The following MEIS2 variants were observed in gnomAD, a reference collection of about 807,000 sequenced individuals.
The protein encoded by MEIS2 is homeobox protein Meis2.
Under a neutral mutation model 58.6 loss-of-function variants are expected in MEIS2, and 9 were observed. The observed-to-expected ratio is 0.15, with a 90% confidence interval of 0.09 to 0.27. MEIS2 has a LOEUF of 0.27. MEIS2 is among the 10% of genes least tolerant of loss of function. The pLI, the probability that MEIS2 is intolerant of heterozygous loss-of-function variation, is 1.00. For missense variants in MEIS2, 427 were observed against 635.0 expected, an observed-to-expected ratio of 0.67 and a Z score of 3.52; for synonymous variants, 221 against 228.4, an observed-to-expected ratio of 0.97 and a Z score of 0.29.
chr15:36,969,580 A>G (rs1853321015), intron 8 of MEIS2, among the ~76,000 whole-genome samples: 1 of 152,242 alleles, frequency 6.6e-6, no homozygotes, highest in Admixed American at 6.5e-5. Context: ...TGAAATAAAT[A>G]ATATTTACAG....
At chr15:37,057,562 G>A (rs1372158893) in intron 7 of MEIS2, among the ~76,000 whole-genome samples, 1 of 152,096 alleles carries the variant, frequency 6.6e-6, no homozygotes, top group East Asian at 1.9e-4. Context: ...GCAACTCCCT[G>A]AGCAGTAAAG....
chr15:36,918,896 A>G (rs1280998094), intron 9 of MEIS2, among the ~76,000 whole-genome samples: 1 of 152,252 alleles, frequency 6.6e-6, no homozygotes, highest in Non-Finnish European at 1.5e-5. Context: ...TCTCAGCTAC[A>G]TGACCTCTCT....
intron 9 of MEIS2, among the ~76,000 whole-genome samples, chr15:36,908,504 T>A (rs926418973): frequency 3.9e-5 from 6 of 152,228 alleles, no homozygotes; most frequent in African/African-American, 1.4e-4. Flanking sequence ...GCAAACACAC[T>A]GTACGGCAAT....
At chr15:37,046,163 G>A (rs1313464924) in intron 7 of MEIS2, among the ~76,000 whole-genome samples, 15 of 152,200 alleles carry the variant, frequency 9.9e-5, no homozygotes, top group South Asian at 2.1e-4. Context: ...TGAAGAGACC[G>A]AAAGCACTTC....
chr15:36,917,221 G>A (rs1862828275), intron 9 of MEIS2, among the ~76,000 whole-genome samples: 1 of 152,142 alleles, frequency 6.6e-6, no homozygotes, highest in South Asian at 2.1e-4. Flanking sequence ...TATTAGAGCA[G>A]ACACATAAAA....
intron 8 of MEIS2, among the ~76,000 whole-genome samples, chr15:37,005,491 G>C (rs1441692105): frequency 6.6e-6 from 1 of 152,120 alleles, no homozygotes; most frequent in Non-Finnish European, 1.5e-5. Flanking sequence ...TACCATTCCT[G>C]CTGACGCACC....
chr15:37,092,603 CCA>C (rs1309298933), intron 6 of MEIS2, among the ~76,000 whole-genome samples: 1 of 151,168 alleles, frequency 6.6e-6, no homozygotes, highest in Non-Finnish European at 1.5e-5. Flanking sequence ...CTGTTCACAC[CCA>C]CTCTTTAACC....
chr15:36,919,061 T>C (rs1475917821), intron 9 of MEIS2, among the ~76,000 whole-genome samples: 2 of 151,786 alleles, frequency 1.3e-5, no homozygotes, highest in Non-Finnish European at 2.9e-5. Flanking sequence ...GGAGTTTGAG[T>C]CCCAGCTACT....
chr15:36,913,226 A>G (rs1272562612), intron 9 of MEIS2, among the ~76,000 whole-genome samples: 3 of 152,192 alleles, frequency 2.0e-5, no homozygotes, highest in Non-Finnish European at 4.4e-5. Flanking sequence ...ATGCTCAATA[A>G]ATGTTAGCTA....
In MEIS2 at chr15:36,899,317, A is replaced by G. The variant is rs575395908; in HGVS notation, c.978-2631T>C. Reference sequence around the variant, plus strand: ...GATATTACTATGAAAATTAACAATTAATGAGCTGACTGTAAGAAAACCCTG... The same window carrying G: ...GATATTACTATGAAAATTAACAATTGATGAGCTGACTGTAAGAAAACCCTG... On this transcript the variant is annotated intron_variant, in intron 9 of 11. Coordinates refer to ENST00000561208, the MANE Select transcript of MEIS2 (RefSeq NM_170675.5). Among the ~76,000 whole-genome samples the G allele has an allele frequency of 7.2e-5, 11 of 152,326 alleles. No individual in the cohort carries two copies. In the East Asian group the frequency reaches 1.9e-3, roughly 27 times the overall value.
chr15:36,892,080 G>A lies in MEIS2; in HGVS notation c.*93C>T, dbSNP rs1357308447. 7.5e-6 allele frequency: 10 copies of A among 1,334,878 alleles called. No individual in the cohort carries two copies. Among genetic ancestry groups the A allele is most frequent in the Non-Finnish European group, 1.1e-5 (10 of 948,156 alleles). The allele number at this position is 1,334,878 out of a possible 1,614,324, so 82.7% of individuals were successfully genotyped here. On this transcript the variant is annotated 3_prime_UTR_variant, in exon 12 of 12. Transcript: ENST00000561208. ...AGTAAAAAATAATCACAGCTGTCTG[G>A]AATTTCATATTAAGTGTCAACATCT...
chr15:36,973,625 C>T (rs1486069824), intron 8 of MEIS2, among the ~76,000 whole-genome samples: 1 of 152,094 alleles, frequency 6.6e-6, no homozygotes, highest in Non-Finnish European at 1.5e-5. Context: ...TGGTAAAATA[C>T]AAGTTGTAAT....
intron 9 of MEIS2, among the ~76,000 whole-genome samples, chr15:36,946,035 G>A (rs887680552): frequency 7.2e-5 from 11 of 151,852 alleles, no homozygotes; most frequent in Non-Finnish European, 1.5e-4. Context: ...AATTAATCTG[G>A]AAATAGGAAC....
At chr15:37,009,133 C>CA (rs542310895) in intron 8 of MEIS2, among the ~76,000 whole-genome samples, 47 of 152,008 alleles carry the variant, frequency 3.1e-4, no homozygotes, top group African/African-American at 1.1e-3. Flanking sequence ...ACTAAAAATA[C>CA]AAAAAATTAA....
intron 9 of MEIS2, among the ~76,000 whole-genome samples, chr15:36,917,661 A>C: frequency 6.6e-6 from 1 of 152,340 alleles, no homozygotes; most frequent in Admixed American, 6.5e-5. Context: ...TTTATCTCCA[A>C]TCATACTCTA....
Position 37,036,922 on chromosome 15 carries a change from T to A in MEIS2, c.792A>T (p.Thr264=). The change falls in exon 8 of 12, where the codon ACA becomes ACT. Residue 264 remains threonine, a synonymous_variant. Transcript: ENST00000561208. ...GLDNSVASPG[T]GDDDDPDKDK... Reference sequence around the variant, plus strand: ...CCTTATCCGGATCATCATCGTCACCTGTACCAGGTGAAGCTACACTGTTGT... The same window carrying A: ...CCTTATCCGGATCATCATCGTCACCAGTACCAGGTGAAGCTACACTGTTGT... 6.2e-7 allele frequency: 1 copy of A among 1,613,856 alleles called. No homozygotes were observed. Among genetic ancestry groups the A allele is most frequent in the African/African-American group, 1.3e-5 (1 of 75,028 alleles).
At chr15:37,078,330 C>G (rs774452076) in intron 7 of MEIS2, among the ~76,000 whole-genome samples, 5 of 151,708 alleles carry the variant, frequency 3.3e-5, no homozygotes, top group Non-Finnish European at 7.4e-5. Flanking sequence ...GAAAAATTCT[C>G]CACTGTCAAG....
chr15:37,020,179 G>A (rs948105074), intron 8 of MEIS2, among the ~76,000 whole-genome samples: 6 of 152,142 alleles, frequency 3.9e-5, no homozygotes, highest in African/African-American at 1.4e-4. Context: ...TGGAGAGCGG[G>A]GTTTGCCAAG....
chr15:36,910,379 C>T (rs1674303606), intron 9 of MEIS2, among the ~76,000 whole-genome samples: 1 of 152,094 alleles, frequency 6.6e-6, no homozygotes, highest in African/African-American at 2.4e-5. Context: ...AGTGAAGTCA[C>T]TTTCTCTGCT....
Sources: allele counts gnomAD v4.1 joint callset (sites outside exome capture counted in the v4.1 genomes callset), GRCh38; gene constraint gnomAD v4.1.1; transcripts MANE v1.5; gene names NCBI Gene and HGNC (gene_info 2026-07-23, HGNC 2026-07-21).